RGS7BP: variants seen among roughly 807,000 people sequenced by gnomAD.
RGS7BP encodes the protein regulator of G protein signaling 7 binding protein, also known as regulator of G protein signaling 7-binding protein.
A neutral mutation model predicts 31.3 loss-of-function variants in RGS7BP; 9 were observed. The observed-to-expected ratio is 0.29, with a 90% confidence interval of 0.17 to 0.50. RGS7BP has a LOEUF of 0.50. Among genes scored for constraint, RGS7BP ranks in the 20% least tolerant of loss-of-function variants. RGS7BP has a pLI of 0.98. For synonymous variants in RGS7BP, 115 were observed against 120.1 expected (o/e 0.96, Z 0.28); for missense variants, 274 against 322.0 (o/e 0.85, Z 1.14).
intron 2 of RGS7BP, among the ~76,000 whole-genome samples, chr5:64,565,651 G>A (rs954501074): frequency 7.2e-5 from 11 of 152,048 alleles, no homozygotes; most frequent in Admixed American, 2.0e-4. Context: ...TGCTTTTAAA[G>A]CCACCTTGGA....
chr5:64,530,717 CTG>C (rs2111922891), intron 2 of RGS7BP, among the ~76,000 whole-genome samples: 1 of 150,726 alleles, frequency 6.6e-6, no homozygotes, highest in South Asian at 2.1e-4. Flanking sequence ...AGACTTAGCT[CTG>C]TTATTAATCA....
chr5:64,533,510 A>T (rs537218534), intron 2 of RGS7BP, among the ~76,000 whole-genome samples: 1 of 152,172 alleles, frequency 6.6e-6, no homozygotes, highest in African/African-American at 2.4e-5. Context: ...ACCCACATCA[A>T]TTGGGACCAC....
rs1255114956 is a variant in RGS7BP at position 64,609,458 on chromosome 5, A to T, written c.*206A>T. On this transcript the variant is annotated 3_prime_UTR_variant, in exon 6 of 6. Transcript: ENST00000334025. Reference sequence around the variant, plus strand: ...AAGAAAAAAAAGAACAGATTCAAAAACCAGGCTGTTTTTAAAAGGGAATTT... The same window carrying T: ...AAGAAAAAAAAGAACAGATTCAAAATCCAGGCTGTTTTTAAAAGGGAATTT... 1.8e-6 allele frequency: 1 copy of T among 542,130 alleles called. No homozygotes were observed. The highest frequency in any genetic ancestry group is 3.3e-6 in the Non-Finnish European group (1 of 300,888). The allele number at this position is 542,130 out of a possible 1,614,324, so 33.6% of individuals were successfully genotyped here. A position where few individuals can be genotyped will look rare whatever the true frequency, so the allele number is the denominator to read the frequency against.
intron 2 of RGS7BP, among the ~76,000 whole-genome samples, chr5:64,559,681 G>A (rs1166224487): frequency 1.3e-5 from 2 of 152,112 alleles, no homozygotes; most frequent in East Asian, 1.9e-4. Context: ...GAAGAAAAGG[G>A]AAAGAGGAAG....
chr5:64,539,184 G>A (rs1370159423), intron 2 of RGS7BP, among the ~76,000 whole-genome samples: 1 of 152,084 alleles, frequency 6.6e-6, no homozygotes, highest in African/African-American at 2.4e-5. Flanking sequence ...TTAGTGAAGT[G>A]TCTGTTTAAG....
chr5:64,512,854 TAGTTA>T (rs1396966989), intron 2 of RGS7BP, among the ~76,000 whole-genome samples: 12 of 137,302 alleles, frequency 8.7e-5, no homozygotes, highest in African/African-American at 3.0e-4. Flanking sequence ...GATTCAAAAG[TAGTTA>T]AGTTTAGAAA....
At chr5:64,514,192 A>T (rs1037257244) in intron 2 of RGS7BP, among the ~76,000 whole-genome samples, 7 of 152,178 alleles carry the variant, frequency 4.6e-5, no homozygotes, top group African/African-American at 1.2e-4. Flanking sequence ...GACAGTAGTC[A>T]TATTGAATTA....
chr5:64,587,634 G>C (rs1456090216), intron 3 of RGS7BP, among the ~76,000 whole-genome samples: 1 of 152,160 alleles, frequency 6.6e-6, no homozygotes, highest in Non-Finnish European at 1.5e-5. Flanking sequence ...AAGCAGGAAA[G>C]AGTATAAAAT....
intron 2 of RGS7BP, among the ~76,000 whole-genome samples, chr5:64,542,197 C>T (rs894071806): frequency 4.6e-5 from 7 of 152,298 alleles, no homozygotes; most frequent in African/African-American, 1.7e-4. Context: ...CAACACCAGA[C>T]TTTACTAATG....
intron 2 of RGS7BP, among the ~76,000 whole-genome samples, chr5:64,516,409 C>A (rs1184108116): frequency 2.0e-4 from 30 of 152,114 alleles, no homozygotes; most frequent in Admixed American, 1.9e-3. Flanking sequence ...TGTTAGTTCA[C>A]AGATGTATCC....
intron 2 of RGS7BP, among the ~76,000 whole-genome samples, chr5:64,518,333 G>A (rs1252979079): frequency 2.0e-5 from 3 of 150,978 alleles, no homozygotes; most frequent in Non-Finnish European, 4.4e-5. Context: ...ACAAAATAAA[G>A]TCCTTGTATT....
At chr5:64,507,945 AGTC>A in intron 2 of RGS7BP, 68 bp downstream of exon 2, 1 of 1,325,574 alleles carries the variant, frequency 7.5e-7, no homozygotes, top group East Asian at 2.3e-5. Context: ...ATTTTATGGT[AGTC>A]AAGTCCTCAG....
intron 1 of RGS7BP, among the ~76,000 whole-genome samples, chr5:64,507,094 CGGA>C (rs1561316357): frequency 1.3e-5 from 2 of 152,092 alleles, no homozygotes; most frequent in African/African-American, 4.8e-5. Context: ...GGCTCGCTCA[CGGA>C]GGAGGGAGGG....
At chr5:64,545,251 C>G (rs1741625797) in intron 2 of RGS7BP, among the ~76,000 whole-genome samples, 1 of 150,814 alleles carries the variant, frequency 6.6e-6, no homozygotes, top group African/African-American at 2.4e-5. Context: ...ACATCACACA[C>G]CGGGGCCTGT....
chr5:64,609,196 C>A lies in RGS7BP; in HGVS notation c.718C>A (p.Leu240Met). ...SSLLNLTPYP[L>M]VRRRKRRFFG... ...CCTTCTGAATCTAACTCCCTACCCC[C>A]TGGTGAGAAGACGGAAGAGAAGGTT... The change falls in exon 6 of 6, where the codon CTG becomes ATG. Residue 240 changes from leucine to methionine, a missense_variant. Physicochemically the swap from Leu to Met is conservative, Grantham distance 15. This residue lies in a region of RGS7BP where 112 missense variants were observed against 130.9 expected (regional missense o/e 0.86). Transcript: ENST00000334025. 2 of 1,611,742 alleles carry A rather than the reference C, an allele frequency of 1.2e-6. No homozygotes were observed. The highest frequency in any genetic ancestry group is 1.7e-6 in the Non-Finnish European group (2 of 1,178,164).
chr5:64,545,772 A>T (rs1741644269), intron 2 of RGS7BP, among the ~76,000 whole-genome samples: 1 of 152,236 alleles, frequency 6.6e-6, no homozygotes, highest in Admixed American at 6.5e-5. Flanking sequence ...AATGCGATTC[A>T]TTGAGCTAGG....
intron 2 of RGS7BP, among the ~76,000 whole-genome samples, chr5:64,557,920 T>C (rs1403745340): frequency 6.6e-6 from 1 of 152,126 alleles, no homozygotes; most frequent in Non-Finnish European, 1.5e-5. Context: ...AAGGCCAAAA[T>C]GAAGCAAAAC....
chr5:64,554,203 T>G (rs1402820090), intron 2 of RGS7BP, among the ~76,000 whole-genome samples: 1 of 152,162 alleles, frequency 6.6e-6, no homozygotes, highest in Non-Finnish European at 1.5e-5. Context: ...TTCTCCCGTT[T>G]CCCTCTCTAT....
intron 3 of RGS7BP, among the ~76,000 whole-genome samples, chr5:64,580,883 T>C (rs889046054): frequency 6.6e-6 from 1 of 152,184 alleles, no homozygotes; most frequent in Non-Finnish European, 1.5e-5. Context: ...TCTTTCTGCA[T>C]AGAATCTCTA....
Sources: gnomAD v4.1 joint callset for allele counts (sites outside exome capture counted in the v4.1 genomes callset) on GRCh38, gnomAD v4.1.1 for gene constraint, gnomAD v4.1.1 regional missense constraint, MANE v1.5 for transcripts, NCBI Gene and HGNC (gene_info 2026-07-23, HGNC 2026-07-21) for gene names.